The following SLC52A3 variants were observed in gnomAD, a reference collection of about 807,000 sequenced individuals.
SLC52A3 encodes the protein solute carrier family 52 member 3.
In SLC52A3, 20 loss-of-function variants were observed where a neutral mutation model predicts 29.5. The observed-to-expected ratio is 0.68, with a 90% CI of 0.48 to 0.99. SLC52A3 has a LOEUF of 0.99. Ranked by LOEUF, SLC52A3 falls within the 50% of genes least tolerant of loss-of-function variation. The pLI is 0.00. For synonymous variants in SLC52A3, 301 were observed against 271.0 expected, an observed-to-expected ratio of 1.11 and a Z score of -1.09; for missense variants, 548 against 612.9, an observed-to-expected ratio of 0.89 and a Z score of 1.12.
chr20:764,119 A>G (rs558253270), intron 2 of SLC52A3, 116 bp from the exon 3 acceptor site: 2 of 1,121,432 alleles, frequency 1.8e-6, no homozygotes, highest in Middle Eastern at 3.0e-4. Flanking sequence ...TAATGAATAA[A>G]TAAACATAAC....
upstream of SLC52A3, among the ~76,000 whole-genome samples, chr20:771,556 C>T (rs939050985): frequency 1.3e-5 from 2 of 151,842 alleles, no homozygotes; most frequent in African/African-American, 4.8e-5. Flanking sequence ...CCTTTACCAC[C>T]TACTTTCTGA....
At chr20:776,099 C>T (rs939001724), upstream of SLC52A3, 2 of 152,472 alleles carry the variant, frequency 1.3e-5, no homozygotes, top group Non-Finnish European at 1.5e-5. Flanking sequence ...TACTATGTGT[C>T]TCTGATCTGC....
At chr20:778,914 G>A (rs913649409), upstream of SLC52A3, among the ~76,000 whole-genome samples, 2 of 152,018 alleles carry the variant, frequency 1.3e-5, no homozygotes, top group East Asian at 3.9e-4. Flanking sequence ...AATACTATAA[G>A]GTGTCAAAAT....
upstream of SLC52A3, among the ~76,000 whole-genome samples, chr20:779,056 C>T (rs1004270167): frequency 5.3e-5 from 8 of 152,182 alleles, no homozygotes; most frequent in East Asian, 1.9e-4. Context: ...GTTAAATACC[C>T]TAACTTCTAA....
rs765176349 is a variant in SLC52A3, at chr20:761,737, G to C, written c.1161C>G (p.Pro387=). 1 of 1,614,108 alleles carries C rather than the reference G, an allele frequency of 6.2e-7. No homozygotes were observed. Among genetic ancestry groups the C allele is most frequent in the African/African-American group, 1.3e-5 (1 of 75,056 alleles). The change falls in exon 4 of 5, where the codon CCC becomes CCG. Residue 387 remains proline, a synonymous_variant. Transcript: ENST00000645534. ...CCCCACCCCAGTGGCCCTGCAAGAG[G>C]GGGCAGGGGCTCATCACCGCCATGG... ...NMAMAVMSPC[P]LLQGHWGGEV...
chr20:763,021 C>G (rs1438012841), intron 3 of SLC52A3, among the ~76,000 whole-genome samples: 4 of 152,250 alleles, frequency 2.6e-5, no homozygotes, highest in Admixed American at 1.3e-4. Context: ...AACTGTGGCT[C>G]TAAGGGAACC....
chr20:760,954 C>T lies in SLC52A3; in HGVS notation c.*72G>A. 3 of 1,442,398 alleles carry T rather than the reference C, an allele frequency of 2.1e-6. No homozygotes were observed. The highest frequency in any genetic ancestry group is 2.9e-6 in the Non-Finnish European group (3 of 1,050,460). 89.3% of individuals were successfully genotyped at this position (1,442,398 alleles called of 1,614,324 possible). A position where few individuals can be genotyped will look rare whatever the true frequency, so the allele number is the denominator to read the frequency against. ...AGGCTCTGTCTCTCTGTTCCTGCCC[C>T]TTGCTCTGTGACCTGGCCTCTCTGG... is the stretch of plus-strand genomic sequence containing the variant. On this transcript the variant is annotated 3_prime_UTR_variant, in exon 5 of 5. Transcript: ENST00000645534. This position sits in a 1 kb window ranked among gnomAD's most constrained non-coding sequence, Gnocchi z 4.9.
chr20:761,894 G>A (rs954950587), intron 3 of SLC52A3, 70 bp from the exon 4 acceptor site: 8 of 1,605,536 alleles, frequency 5.0e-6, no homozygotes, highest in East Asian at 2.2e-5. Context: ...CCACTGGGCG[G>A]CATGTGGATG....
chr20:777,102 G>A (rs1987063568), upstream of SLC52A3, among the ~76,000 whole-genome samples: 5 of 152,250 alleles, frequency 3.3e-5, 1 homozygote, highest in South Asian at 1.0e-3. Context: ...CGGGCATGAT[G>A]GCGGACACCT....
upstream of SLC52A3, among the ~76,000 whole-genome samples, chr20:771,553 C>G (rs1463211751): frequency 6.6e-6 from 1 of 151,792 alleles, no homozygotes; most frequent in Non-Finnish European, 1.5e-5. Flanking sequence ...TCTCCTTTAC[C>G]ACCTACTTTC....
intron 4 of SLC52A3, chr20:761,477 GA>G: frequency 1.4e-6 from 1 of 732,252 alleles, no homozygotes. Flanking sequence ...GCCCTTGAGA[GA>G]AGGCCCCTGC....
chr20:776,856 T>TG (rs61268757), upstream of SLC52A3, among the ~76,000 whole-genome samples: 36 of 127,386 alleles, frequency 2.8e-4, 1 homozygote, highest in South Asian at 4.7e-3. Context: ...GAATCGCTTT[T>TG]GGGGGGGGGG....
At chr20:773,321 A>T (rs1986905038), upstream of SLC52A3, among the ~76,000 whole-genome samples, 1 of 152,190 alleles carries the variant, frequency 6.6e-6, no homozygotes, top group Non-Finnish European at 1.5e-5. Flanking sequence ...ATTACCTGTC[A>T]AATCTTGTTC....
chr20:772,086 A>G (rs1333279768), upstream of SLC52A3, among the ~76,000 whole-genome samples: 1 of 152,282 alleles, frequency 6.6e-6, no homozygotes, highest in Non-Finnish European at 1.5e-5. Flanking sequence ...GAGAGTGTCC[A>G]GTTAAACATT....
Position 763,757 on chromosome 20 carries a change from C to A in SLC52A3, c.814G>T (p.Asp272Tyr). 1 of 1,614,162 alleles carries A rather than the reference C, an allele frequency of 6.2e-7. No individual in the cohort carries two copies. The highest frequency in any genetic ancestry group is 1.1e-5 in the South Asian group (1 of 91,074). ...TCCACCGTGCCTGCAGGGCCCAAGT[C>A]ATTCTCTTCCCGCGGCCGGATGGAG... ...LHSIRPREEN[D>Y]LGPAGTVDSS... Residue 272 changes from aspartate (D) to tyrosine (Y), a missense_variant, in exon 3 of 5, where the codon GAC (aspartate) becomes TAC (tyrosine). Around this residue, in one of 2 missense-constraint regions of SLC52A3, gnomAD observed 375 missense variants for 471.1 expected, o/e 0.80. Coordinates refer to ENST00000645534, the MANE Select transcript of SLC52A3 (RefSeq NM_033409.4).
rs1301239880 is a variant in SLC52A3, at chr20:760,845, G to A, written c.*181C>T. 9.5e-6 allele frequency: 6 copies of A among 628,870 alleles called. No homozygotes were observed. In the South Asian group the frequency reaches 1.2e-4, roughly 12 times the overall value. The allele number at this position is 628,870 out of a possible 1,614,324, so 39.0% of individuals were successfully genotyped here. A position where few individuals can be genotyped will look rare whatever the true frequency, so the allele number is the denominator to read the frequency against. On this transcript the variant is annotated 3_prime_UTR_variant, in exon 5 of 5. Transcript: ENST00000645534. This position sits in a 1 kb window ranked among gnomAD's most constrained non-coding sequence, Gnocchi z 4.9. Reference sequence around the variant, plus strand: ...GTCACAGGTAGTGTGACACAGAGTTGGGGATAGAGCCGCACCTTGCATTTC... The same window carrying A: ...GTCACAGGTAGTGTGACACAGAGTTAGGGATAGAGCCGCACCTTGCATTTC...
At chr20:764,079 G>C in intron 2 of SLC52A3, 76 bp from the exon 3 acceptor site, 3 of 1,334,666 alleles carry the variant, frequency 2.2e-6, no homozygotes, top group Non-Finnish European at 3.1e-6. Flanking sequence ...AGTGATAACA[G>C]AATACAGATC....
upstream of SLC52A3, among the ~76,000 whole-genome samples, chr20:773,096 G>C (rs540072799): frequency 1.3e-5 from 2 of 152,332 alleles, no homozygotes; most frequent in Middle Eastern, 3.4e-3. Flanking sequence ...CCGTGAGTGG[G>C]CAGAAGAGAC....
At chr20:761,848 G>C (rs1256178267) in intron 3 of SLC52A3, 24 bp from the exon 4 acceptor site, 1 of 1,613,968 alleles carries the variant, frequency 6.2e-7, no homozygotes, top group African/African-American at 1.3e-5. Context: ...GGGGAGGTGA[G>C]TGGAGGTGAG....
Sources: allele counts gnomAD v4.1 joint callset (sites outside exome capture counted in the v4.1 genomes callset), GRCh38; gene constraint gnomAD v4.1.1; regional missense constraint gnomAD v4.1.1; non-coding constraint Gnocchi (gnomAD v3.1); transcripts MANE v1.5; gene names NCBI Gene and HGNC (gene_info 2026-07-23, HGNC 2026-07-21).